The following ARHGEF37 variants were observed in gnomAD, a reference collection of about 807,000 sequenced individuals.
ARHGEF37 encodes Rho guanine nucleotide exchange factor (GEF) 37.
A neutral mutation model predicts 71.1 loss-of-function variants in ARHGEF37; 55 were observed. The ratio of observed to expected loss-of-function variants is 0.77; its 90% confidence interval spans 0.62 to 0.97. The LOEUF is 0.97. Ranked by LOEUF, ARHGEF37 falls within the 50% of genes least tolerant of loss-of-function variation. The probability of loss-of-function intolerance (pLI) is 0.00; values close to 1 mark genes in which losing one functional copy is unlikely to be tolerated. For synonymous variants in ARHGEF37, 327 were observed against 350.6 expected, an observed-to-expected ratio of 0.93 and a Z score of 0.75; for missense variants, 765 against 836.8, an observed-to-expected ratio of 0.91 and a Z score of 1.06.
Position 149,628,859 on chromosome 5 carries a change from C to T in ARHGEF37, c.1711C>T (p.Pro571Ser). The change falls in exon 12 of 13, where the codon CCC (proline) becomes TCC (serine). Residue 571 changes from proline (P) to serine (S), a missense_variant. By Grantham distance (74) the Pro-to-Ser change is moderately conservative. Around this residue, in one of 5 missense-constraint regions of ARHGEF37, gnomAD observed 390 missense variants for 407.4 expected, o/e 0.96. Coordinates refer to ENST00000333677, the MANE Select transcript of ARHGEF37 (RefSeq NM_001001669.3). ...GAAACTACAGCTGTACCATGTGGTCCCCAGTGCAGAGGAGCTCAGAAGGCA... is the reference window on the plus strand; with the variant it reads ...GAAACTACAGCTGTACCATGTGGTCTCCAGTGCAGAGGAGCTCAGAAGGCA... ...AGKLQLYHVV[P>S]SAEELRRQAG... The T allele has an allele frequency of 4.3e-6, 7 of 1,613,744 alleles. No individual in the cohort carries two copies. Among genetic ancestry groups the T allele is most frequent in the Non-Finnish European group, 5.9e-6 (7 of 1,179,990 alleles).
chr5:149,618,450 T>C (rs991200393), intron 6 of ARHGEF37, 144 bp downstream of exon 6: 3 of 1,308,146 alleles, frequency 2.3e-6, no homozygotes, highest in Admixed American at 5.0e-5. Context: ...GAGGCAGAGG[T>C]GGCACCCCAC....
intron 4 of ARHGEF37, among the ~76,000 whole-genome samples, chr5:149,609,951 C>T (rs1474959331): frequency 6.6e-6 from 1 of 152,216 alleles, no homozygotes; most frequent in Admixed American, 6.5e-5. Context: ...CTTTGTCATC[C>T]TCACTTCGGC....
chr5:149,583,235 C>G (rs1763152216), intron 1 of ARHGEF37, among the ~76,000 whole-genome samples: 1 of 152,244 alleles, frequency 6.6e-6, no homozygotes, highest in East Asian at 1.9e-4. Context: ...CTCCCGGGTT[C>G]AAGCAATTCT....
intron 1 of ARHGEF37, among the ~76,000 whole-genome samples, chr5:149,585,578 C>T (rs1007329063): frequency 5.9e-5 from 9 of 152,100 alleles, no homozygotes; most frequent in Non-Finnish European, 1.2e-4. Context: ...AGTGCAGTGG[C>T]GTGATCTTGG....
upstream of ARHGEF37, among the ~76,000 whole-genome samples, chr5:149,579,702 C>T (rs746215479): frequency 2.0e-5 from 3 of 151,934 alleles, no homozygotes; most frequent in Non-Finnish European, 4.4e-5. Context: ...CTGTCTCAGT[C>T]TCCTGAGTAG....
intron 12 of ARHGEF37, among the ~76,000 whole-genome samples, chr5:149,630,351 C>T (rs190814622): frequency 1.3e-5 from 2 of 152,146 alleles, no homozygotes; most frequent in East Asian, 1.9e-4. Flanking sequence ...TGGAGGCAGC[C>T]CTCACAATGA....
At chr5:149,616,515 T>C in intron 4 of ARHGEF37, 52 bp from the exon 5 acceptor site, 1 of 1,535,408 alleles carries the variant, frequency 6.5e-7, no homozygotes, top group Non-Finnish European at 8.8e-7. Context: ...CCAGGCCCCC[T>C]GGTCCTCCAG....
chr5:149,620,389 G>T lies in ARHGEF37; in HGVS notation c.930G>T (p.Leu310=). The part of the protein sequence containing the change: ...FLYFRPHEYN[L]DIPEGPAVQY... Reference sequence around the variant, plus strand: ...ACTTCAGGCCGCACGAATACAATCTGGACATCCCCGAGGGGCCTGCAGTGC... The same window carrying T: ...ACTTCAGGCCGCACGAATACAATCTTGACATCCCCGAGGGGCCTGCAGTGC... Residue 310 remains leucine, a synonymous_variant, in exon 8 of 13, where the codon CTG becomes CTT. Transcript: ENST00000333677. The T allele has an allele frequency of 1.9e-6, 3 of 1,612,496 alleles. No homozygotes were observed. Among genetic ancestry groups the T allele is most frequent in the Non-Finnish European group, 2.5e-6 (3 of 1,179,332 alleles).
chr5:149,566,949 TATTA>T (rs1762906320), intron 1 of ARHGEF37, among the ~76,000 whole-genome samples: 1 of 152,222 alleles, frequency 6.6e-6, no homozygotes, highest in East Asian at 1.9e-4. Flanking sequence ...TTTATAACTG[TATTA>T]ATTTATCAAA....
intron 10 of ARHGEF37, 91 bp from the exon 11 acceptor site, chr5:149,626,985 C>G (rs139499113): frequency 3.0e-5 from 41 of 1,388,660 alleles, no homozygotes; most frequent in Non-Finnish European, 3.9e-5. Flanking sequence ...AGGCCCAGTA[C>G]TCCTGGCTGT....
intron 1 of ARHGEF37, among the ~76,000 whole-genome samples, chr5:149,583,687 A>G (rs1763163795): frequency 1.3e-5 from 2 of 152,242 alleles, no homozygotes; most frequent in Admixed American, 6.5e-5. Flanking sequence ...GTGCTGTAAC[A>G]GAAGCAAAAT....
intron 1 of ARHGEF37, among the ~76,000 whole-genome samples, chr5:149,591,430 C>T (rs922625026): frequency 1.3e-5 from 2 of 152,224 alleles, no homozygotes; most frequent in East Asian, 1.9e-4. Flanking sequence ...ATTGCCCAGG[C>T]TGGAGTGCAG....
intron 1 of ARHGEF37, among the ~76,000 whole-genome samples, chr5:149,588,198 T>TTTTGTTTGTTTG (rs3073427): frequency 7.1e-6 from 1 of 140,262 alleles, no homozygotes. Flanking sequence ...TGCCCGGCCT[T>TTTTGTTTGTTTG]TTTGTTTGTT....
rs1458008990 is a variant in ARHGEF37, at chr5:149,634,301, G to T, written c.*2110G>T. 6.6e-6 allele frequency: 1 copy of T among 151,952 alleles called. No individual in the cohort carries two copies. Among genetic ancestry groups the T allele is most frequent in the Non-Finnish European group, 1.5e-5 (1 of 67,950 alleles). The allele number at this position is 151,952 out of a possible 1,614,324, so 9.4% of individuals were successfully genotyped here. On this transcript the variant is annotated 3_prime_UTR_variant, in exon 13 of 13. Transcript: ENST00000333677. The stretch of plus-strand genomic sequence containing the variant: ...GGCCATGAGCTGTAAGCTAGGACGT[G>T]CCCCACCTGAGCTCTGCACTAGCTA...
intron 3 of ARHGEF37, 146 bp downstream of exon 3, chr5:149,601,377 C>A: frequency 1.1e-6 from 1 of 940,074 alleles, no homozygotes; most frequent in Non-Finnish European, 1.5e-6. Flanking sequence ...CACAACATAT[C>A]AGAGCCAGCA....
chr5:149,605,070 T>A (rs1010477501), intron 3 of ARHGEF37, among the ~76,000 whole-genome samples: 1 of 151,380 alleles, frequency 6.6e-6, no homozygotes, highest in Admixed American at 6.6e-5. Context: ...CTACTAAAAA[T>A]ACAAAAATTA....
At chr5:149,610,979 TATCTGCAGTC>T (rs1222657859) in intron 4 of ARHGEF37, among the ~76,000 whole-genome samples, 5 of 152,272 alleles carry the variant, frequency 3.3e-5, no homozygotes, top group Non-Finnish European at 7.3e-5. Flanking sequence ...CACCCTCAAA[TATCTGCAGTC>T]ACCTGCAGGT....
chr5:149,569,397 G>A (rs999613630), intron 1 of ARHGEF37, among the ~76,000 whole-genome samples: 86 of 152,232 alleles, frequency 5.6e-4, no homozygotes, highest in East Asian at 3.9e-4. Context: ...TCTGCTCACT[G>A]CAACCTCTGC....
intron 4 of ARHGEF37, among the ~76,000 whole-genome samples, chr5:149,611,260 T>C (rs1764070243): frequency 6.6e-6 from 1 of 152,210 alleles, no homozygotes; most frequent in African/African-American, 2.4e-5. Context: ...AGGAGCTTCA[T>C]AGTGACAAAG....
Sources: allele counts gnomAD v4.1 joint callset (sites outside exome capture counted in the v4.1 genomes callset), GRCh38; gene constraint gnomAD v4.1.1; regional missense constraint gnomAD v4.1.1; transcripts MANE v1.5; gene names NCBI Gene and HGNC (gene_info 2026-07-23, HGNC 2026-07-21).